The following RBFOX3 variants were observed in gnomAD, a reference collection of about 807,000 sequenced individuals.
RBFOX3 encodes RNA binding fox-1 homolog 3, also known as RNA binding protein fox-1 homolog 3.
Under a neutral mutation model 48.7 loss-of-function variants are expected in RBFOX3, and 17 were observed. The ratio of observed to expected loss-of-function variants is 0.35; its 90% CI spans 0.24 to 0.52. RBFOX3 has a LOEUF of 0.52. Among genes scored for constraint, RBFOX3 ranks in the 20% least tolerant of loss-of-function variants. The probability of loss-of-function intolerance (pLI) is 0.94; values close to 1 mark genes in which losing one functional copy is unlikely to be tolerated. For missense variants in RBFOX3, 382 were observed against 497.5 expected, an observed-to-expected ratio of 0.77 and a Z score of 2.21; for synonymous variants, 212 against 209.5, an observed-to-expected ratio of 1.01 and a Z score of -0.10.
At chr17:79,379,629 C>T (rs929278710) in intron 2 of RBFOX3, among the ~76,000 whole-genome samples, 9 of 152,152 alleles carry the variant, frequency 5.9e-5, no homozygotes, top group East Asian at 5.8e-4. Context: ...TCTCAGGGGC[C>T]GGCGTTCCAG....
At chr17:79,347,843 G>C (rs1279180894) in intron 2 of RBFOX3, among the ~76,000 whole-genome samples, 2 of 152,218 alleles carry the variant, frequency 1.3e-5, no homozygotes, top group South Asian at 4.2e-4. Context: ...CTGTAACTCA[G>C]TTTGTTGCCT....
At chr17:79,622,322 T>C in the RBFOX3 span, among the ~76,000 whole-genome samples, 2 of 152,062 alleles carry the variant, frequency 1.3e-5, no homozygotes, top group Admixed American at 6.5e-5. Flanking sequence ...TGGAGAAGCA[T>C]CTGTCACGGG....
At chr17:79,342,476 T>C (rs1008686855) in intron 2 of RBFOX3, among the ~76,000 whole-genome samples, 5 of 152,164 alleles carry the variant, frequency 3.3e-5, no homozygotes, top group Non-Finnish European at 7.4e-5. Flanking sequence ...AGAAGTGAGG[T>C]GAGCACCTCG....
intron 4 of RBFOX3, among the ~76,000 whole-genome samples, chr17:79,130,844 G>A (rs1054355696): frequency 2.0e-5 from 3 of 152,192 alleles, no homozygotes; most frequent in Admixed American, 6.5e-5. Flanking sequence ...GCCTGGAGGC[G>A]GGACCTGGCC....
chr17:79,118,136 G>A (rs372529182), intron 4 of RBFOX3, among the ~76,000 whole-genome samples: 46 of 152,224 alleles, frequency 3.0e-4, no homozygotes, highest in Middle Eastern at 3.4e-3. Flanking sequence ...AGCGGGGGCC[G>A]TCTCGGTGCT....
chr17:79,373,963 A>G (rs1232629163), intron 2 of RBFOX3, among the ~76,000 whole-genome samples: 2 of 152,050 alleles, frequency 1.3e-5, no homozygotes, highest in Non-Finnish European at 2.9e-5. Context: ...GGTTCAAGCG[A>G]TTCTCCTGAC....
chr17:79,632,796 C>T, the RBFOX3 span, among the ~76,000 whole-genome samples: 1 of 151,362 alleles, frequency 6.6e-6, no homozygotes, highest in Admixed American at 6.6e-5. Context: ...CCTGTGGTTC[C>T]AGCTACTTAG....
chr17:79,521,283 CACAG>C (rs1226122694), intron 1 of RBFOX3, among the ~76,000 whole-genome samples: 13,657 of 148,788 alleles, frequency 0.092, 1,770 homozygotes, highest in African/African-American at 0.31. Context: ...CAGACACATG[CACAG>C]ACACACTCAC....
chr17:79,144,160 G>C (rs772518820), intron 4 of RBFOX3, among the ~76,000 whole-genome samples: 1 of 152,120 alleles, frequency 6.6e-6, no homozygotes, highest in Non-Finnish European at 1.5e-5. Flanking sequence ...GGCCAGAGAG[G>C]GGGGCCTGCC....
chr17:79,559,403 G>A (rs2092020269), intron 1 of RBFOX3, among the ~76,000 whole-genome samples: 1 of 151,302 alleles, frequency 6.6e-6, no homozygotes, highest in African/African-American at 2.4e-5. Flanking sequence ...TAAGTGAATG[G>A]GTGAATGGTA....
At position 79,489,515 on chromosome 17, in the gene RBFOX3, G is replaced by A. The variant is rs1042309259; in HGVS notation, c.-319-6917C>T. Among the ~76,000 whole-genome samples the A allele has an allele frequency of 1.4e-3, 217 of 152,232 alleles. 1 individual carries two copies. The highest frequency in any genetic ancestry group is 6.8e-3 in the South Asian group (33 of 4,820). On this transcript the variant is annotated intron_variant, in intron 1 of 14. Transcript: ENST00000693108. ...TCACCATGGTGCCCAACCTGGTCTC[G>A]GACTCCTGAGCTCAAGCGATCCACC... is the stretch of plus-strand genomic sequence containing the variant.
At chr17:79,468,361 TGACAGATGATGGATGGATGCATA>T (rs1289718329) in intron 2 of RBFOX3, among the ~76,000 whole-genome samples, 2 of 151,694 alleles carry the variant, frequency 1.3e-5, no homozygotes, top group African/African-American at 2.4e-5. Context: ...GGTAGACAGG[TGACAGATGATGGATGGATGCATA>T]GACAGATGAT....
chr17:79,376,412 G>A (rs951934414), intron 2 of RBFOX3, among the ~76,000 whole-genome samples: 31 of 152,138 alleles, frequency 2.0e-4, no homozygotes, highest in African/African-American at 6.5e-4. Flanking sequence ...CCAGGCACCC[G>A]CAGGACCCTC....
the RBFOX3 span, among the ~76,000 whole-genome samples, chr17:79,647,630 G>T: frequency 1.9e-4 from 29 of 152,240 alleles, no homozygotes; most frequent in African/African-American, 6.7e-4. Flanking sequence ...ACATCTGTGG[G>T]AGCACCAGAG....
intron 2 of RBFOX3, among the ~76,000 whole-genome samples, chr17:79,377,114 C>A (rs2059311060): frequency 1.3e-5 from 2 of 152,196 alleles, no homozygotes; most frequent in South Asian, 4.1e-4. Flanking sequence ...GACTCCTTTT[C>A]CTAATTAGGC....
chr17:79,635,564 T>G, the RBFOX3 span, among the ~76,000 whole-genome samples: 1 of 152,176 alleles, frequency 6.6e-6, no homozygotes, highest in Non-Finnish European at 1.5e-5. Flanking sequence ...TTAAATGCTG[T>G]GTAAAACATA....
At chr17:79,415,014 C>T in intron 2 of RBFOX3, among the ~76,000 whole-genome samples, 1 of 152,166 alleles carries the variant, frequency 6.6e-6, no homozygotes, top group South Asian at 2.1e-4. Context: ...AGGGCAGCCT[C>T]CCCAGCTCAT....
chr17:79,230,374 T>C (rs775295964), intron 4 of RBFOX3, among the ~76,000 whole-genome samples: 13 of 152,242 alleles, frequency 8.5e-5, no homozygotes, highest in Non-Finnish European at 1.5e-4. Context: ...ATTCTCCTGC[T>C]TCAGCCTCCA....
At position 79,254,789 on chromosome 17, in the gene RBFOX3, T is replaced by C. The variant is rs543131630; in HGVS notation, c.-73-18984A>G. Among the ~76,000 whole-genome samples the C allele has an allele frequency of 6.4e-4, 97 of 152,228 alleles. No homozygotes were observed. The highest frequency in any genetic ancestry group is 2.1e-3 in the African/African-American group (88 of 41,552). Reference sequence around the variant, plus strand: ...ACAGGTGCCTTATCTTGGCTGGGCATGAGAGGGGTCCCAGAATGTCTGGAA... The same window carrying C: ...ACAGGTGCCTTATCTTGGCTGGGCACGAGAGGGGTCCCAGAATGTCTGGAA... On this transcript the variant is annotated intron_variant, in intron 3 of 14. Coordinates refer to ENST00000693108, the MANE Select transcript of RBFOX3 (RefSeq NM_001350451.2). This position sits in a 1 kb window ranked among gnomAD's most constrained non-coding sequence, Gnocchi z 4.8.
Sources: gnomAD v4.1 joint callset for allele counts (sites outside exome capture counted in the v4.1 genomes callset) on GRCh38, gnomAD v4.1.1 for gene constraint, Gnocchi (gnomAD v3.1) non-coding constraint, MANE v1.5 for transcripts, NCBI Gene and HGNC (gene_info 2026-07-23, HGNC 2026-07-21) for gene names.